KLF8: variants seen among roughly 807,000 people sequenced by gnomAD.
The protein encoded by KLF8 is KLF transcription factor 8.
KLF8 carries 10 observed loss-of-function variants against 18.2 expected under a neutral mutation model. The observed-to-expected ratio is 0.55, with a 90% confidence interval of 0.34 to 0.93. The LOEUF is 0.93. Ranked by LOEUF, KLF8 falls within the 40% of genes least tolerant of loss-of-function variation. The probability of loss-of-function intolerance (pLI) is 0.02; values close to 1 mark genes in which losing one functional copy is unlikely to be tolerated. For synonymous variants in KLF8, 109 were observed against 97.3 expected (o/e 1.12, Z -0.71); for missense variants, 264 against 277.9 (o/e 0.95, Z 0.36).
At chrX:55,983,320 C>T in the KLF8 span, among the ~76,000 whole-genome samples, 1 of 110,810 alleles carries the variant, frequency 9.0e-6, no homozygotes. Context: ...CTGAATTATA[C>T]CTAAATAAAG....
At chrX:56,088,052 A>G in the KLF8 span, among the ~76,000 whole-genome samples, 1 of 111,524 alleles carries the variant, frequency 9.0e-6, no homozygotes, top group African/African-American at 3.3e-5. Flanking sequence ...TCTAATCCAC[A>G]TACAATTGCC....
the KLF8 span, among the ~76,000 whole-genome samples, chrX:56,210,601 C>T: frequency 3.1e-4 from 35 of 111,227 alleles, no homozygotes; most frequent in Non-Finnish European, 6.2e-4. Flanking sequence ...AGGAAGTTCT[C>T]TGTTATCCCT....
At chrX:56,131,412 TAC>T in the KLF8 span, among the ~76,000 whole-genome samples, 1 of 111,419 alleles carries the variant, frequency 9.0e-6, no homozygotes, top group African/African-American at 3.3e-5. Context: ...GAAGGAAAGA[TAC>T]AGTCTTTTTC....
chrX:56,132,576 A>G, the KLF8 span, among the ~76,000 whole-genome samples: 2 of 111,608 alleles, frequency 1.8e-5, no homozygotes, highest in Non-Finnish European at 3.8e-5. Context: ...ACTTCAAGAA[A>G]TTAGAGAAAT....
chrX:56,243,308 G>A (rs1291055228), intron 1 of KLF8: 1 of 372,887 alleles, frequency 2.7e-6, no homozygotes, highest in Non-Finnish European at 4.9e-6. Context: ...TGTGTGTGTG[G>A]TTGTGGACAC....
the KLF8 span, among the ~76,000 whole-genome samples, chrX:55,989,749 A>T: frequency 9.5e-4 from 106 of 111,011 alleles, no homozygotes; most frequent in Non-Finnish European, 1.5e-3. Context: ...CCTCTTTTTC[A>T]ATTGATTGGA....
the KLF8 span, among the ~76,000 whole-genome samples, chrX:55,962,960 TA>T: frequency 8.9e-6 from 1 of 112,409 alleles, no homozygotes; most frequent in Non-Finnish European, 1.9e-5. Flanking sequence ...AAAGAGACCA[TA>T]TTGCAGAAAT....
chrX:55,912,320 A>T, the KLF8 span, among the ~76,000 whole-genome samples: 1 of 111,287 alleles, frequency 9.0e-6, no homozygotes, highest in East Asian at 2.8e-4. Context: ...TAAGGAATAT[A>T]ACACACTCCT....
the KLF8 span, among the ~76,000 whole-genome samples, chrX:55,973,703 T>A: frequency 8.9e-6 from 1 of 112,169 alleles, no homozygotes; most frequent in African/African-American, 3.2e-5. Context: ...AAAAGTTTAT[T>A]AGATTTTGGA....
At chrX:55,935,439 A>G in the KLF8 span, among the ~76,000 whole-genome samples, 1 of 112,458 alleles carries the variant, frequency 8.9e-6, no homozygotes, top group Non-Finnish European at 1.9e-5. Context: ...AGTGATTTGT[A>G]TGCACATTAA....
At chrX:56,038,345 T>C in the KLF8 span, among the ~76,000 whole-genome samples, 2 of 111,763 alleles carry the variant, frequency 1.8e-5, no homozygotes, top group Non-Finnish European at 3.8e-5. Flanking sequence ...CCAGCATCCA[T>C]TAGCTATTCT....
At chrX:56,194,147 C>A in the KLF8 span, among the ~76,000 whole-genome samples, 1 of 110,942 alleles carries the variant, frequency 9.0e-6, no homozygotes, top group East Asian at 2.9e-4. Context: ...CCAGCGTGAT[C>A]AAAGCAGAAG....
the KLF8 span, among the ~76,000 whole-genome samples, chrX:55,909,151 T>G: frequency 8.9e-6 from 1 of 112,197 alleles, no homozygotes; most frequent in Non-Finnish European, 1.9e-5. Context: ...GGGCTCCATC[T>G]TGCCTGGCTT....
the KLF8 span, among the ~76,000 whole-genome samples, chrX:56,003,407 A>AAAATAAAT: frequency 1.8e-3 from 185 of 100,271 alleles, no homozygotes; most frequent in African/African-American, 3.8e-3. Flanking sequence ...GAGACTCCGT[A>AAAATAAAT]AAATAAATAA....
chrX:56,190,803 G>C, the KLF8 span, among the ~76,000 whole-genome samples: 5 of 110,674 alleles, frequency 4.5e-5, no homozygotes, highest in African/African-American at 3.3e-5. Context: ...AAAACCTATG[G>C]GATACAGCAA....
chrX:56,135,647 A>G, the KLF8 span, among the ~76,000 whole-genome samples: 5 of 110,400 alleles, frequency 4.5e-5, no homozygotes, highest in East Asian at 2.8e-4. Flanking sequence ...CCATGTATAC[A>G]TATGTAACTA....
the KLF8 span, among the ~76,000 whole-genome samples, chrX:56,186,674 G>A: frequency 9.0e-6 from 1 of 111,657 alleles, no homozygotes. Flanking sequence ...ATAACAAACT[G>A]TCTCTCAGAC....
chrX:56,055,468 T>A, the KLF8 span, among the ~76,000 whole-genome samples: 1 of 111,984 alleles, frequency 8.9e-6, no homozygotes, highest in African/African-American at 3.2e-5. Context: ...CTAGGTGACC[T>A]GACCTTGTTT....
chrX:56,236,979 A>ATATATG (rs1447103802), intron 1 of KLF8, among the ~76,000 whole-genome samples: 1 of 105,675 alleles, frequency 9.5e-6, no homozygotes, highest in African/African-American at 3.5e-5. Flanking sequence ...ATATATATAT[A>ATATATG]TATATGGTTC....
Sources: gnomAD v4.1 joint callset for allele counts (sites outside exome capture counted in the v4.1 genomes callset) on GRCh38, gnomAD v4.1.1 for gene constraint, MANE v1.5 for transcripts, NCBI Gene and HGNC (gene_info 2026-07-23, HGNC 2026-07-21) for gene names.